Variants in LUZP2 observed in about 807,000 individuals in gnomAD.
LUZP2 encodes the protein leucine zipper protein 2.
LUZP2 carries 52 observed loss-of-function variants against 51.6 expected under a neutral mutation model. The ratio of observed to expected loss-of-function variants is 1.01; its 90% CI spans 0.81 to 1.27. LUZP2 has a LOEUF of 1.27. Among genes scored for constraint, LUZP2 ranks in the 50% most tolerant of loss-of-function variants. The probability of loss-of-function intolerance (pLI) is 0.00; values close to 1 mark genes in which losing one functional copy is unlikely to be tolerated. For missense variants in LUZP2, 436 were observed against 395.4 expected (o/e 1.10, Z -0.87); for synonymous variants, 154 against 137.3 (o/e 1.12, Z -0.85).
At chr11:24,704,114 A>C (rs1055398855) in intron 1 of LUZP2, among the ~76,000 whole-genome samples, 4 of 143,638 alleles carry the variant, frequency 2.8e-5, no homozygotes, top group Admixed American at 7.0e-5. Context: ...ATACACATTC[A>C]TTCTCTCTCT....
chr11:24,745,172 AT>A (rs1859331851), intron 4 of LUZP2, among the ~76,000 whole-genome samples: 1 of 152,142 alleles, frequency 6.6e-6, no homozygotes, highest in South Asian at 2.1e-4. Context: ...GTTGAATAGA[AT>A]GTATATTCTG....
intron 7 of LUZP2, among the ~76,000 whole-genome samples, chr11:24,958,982 G>T (rs1855302143): frequency 6.6e-6 from 1 of 152,176 alleles, no homozygotes; most frequent in East Asian, 1.9e-4. Context: ...TGGCTAGCCA[G>T]TTTTCCCAGC....
chr11:25,077,426 C>G lies in LUZP2; in HGVS notation c.936+20C>G. On this transcript the variant is annotated intron_variant, in intron 11 of 11. Coordinates refer to ENST00000336930, the MANE Select transcript of LUZP2 (RefSeq NM_001009909.4). ...CCACAGGTATGTGTTTGTTTTATTT[C>G]GTTTGTGTCAAAAAGCATTTATTGG... The G allele has an allele frequency of 6.8e-7, 1 of 1,462,634 alleles. No individual in the cohort carries two copies. The highest frequency in any genetic ancestry group is 1.2e-5 in the South Asian group (1 of 82,902). The allele number at this position is 1,462,634 out of a possible 1,614,324, so 90.6% of individuals were successfully genotyped here.
intron 1 of LUZP2, among the ~76,000 whole-genome samples, chr11:24,700,004 C>T (rs1857376186): frequency 1.3e-5 from 2 of 151,192 alleles, no homozygotes; most frequent in South Asian, 4.2e-4. Flanking sequence ...ACTTGTCACT[C>T]CCTCTCCCAA....
intron 1 of LUZP2, among the ~76,000 whole-genome samples, chr11:24,678,737 T>A (rs1176011435): frequency 1.3e-5 from 2 of 152,168 alleles, no homozygotes; most frequent in African/African-American, 4.8e-5. Flanking sequence ...GAGAACAAGG[T>A]TGTCTCAAAG....
intron 1 of LUZP2, among the ~76,000 whole-genome samples, chr11:24,724,957 C>T (rs781542752): frequency 2.6e-5 from 4 of 151,952 alleles, no homozygotes; most frequent in Non-Finnish European, 5.9e-5. Context: ...AAAGAATTTC[C>T]GTATTATAAA....
intron 1 of LUZP2, among the ~76,000 whole-genome samples, chr11:24,507,308 C>A (rs1850172444): frequency 6.6e-6 from 1 of 151,990 alleles, no homozygotes. Context: ...ATCTCTTTAC[C>A]ATTTACTCAA....
At chr11:25,034,942 A>G (rs796199233) in intron 9 of LUZP2, among the ~76,000 whole-genome samples, 27 of 152,240 alleles carry the variant, frequency 1.8e-4, no homozygotes, top group African/African-American at 4.8e-4. Context: ...AAACCATATG[A>G]TCATCTCAAT....
At chr11:25,006,001 G>A (rs1451522807) in intron 9 of LUZP2, among the ~76,000 whole-genome samples, 1 of 152,110 alleles carries the variant, frequency 6.6e-6, no homozygotes, top group East Asian at 1.9e-4. Context: ...GAAGATTGAT[G>A]CCTTATGTCC....
At chr11:24,518,518 T>C (rs1045820531) in intron 1 of LUZP2, among the ~76,000 whole-genome samples, 8 of 152,240 alleles carry the variant, frequency 5.3e-5, no homozygotes, top group African/African-American at 1.9e-4. Context: ...GAAGAGAAAC[T>C]GTTAAAAATT....
chr11:25,078,696 T>A lies in LUZP2; in HGVS notation c.*38T>A. On this transcript the variant is annotated 3_prime_UTR_variant, in exon 12 of 12. Coordinates refer to ENST00000336930, the MANE Select transcript of LUZP2 (RefSeq NM_001009909.4). ...TGTGTTAAAAACGTCCATTTGCTAT[T>A]GTCTTCATATTCTTTTTAGACCACA... 1 of 1,439,634 alleles carries A rather than the reference T, an allele frequency of 6.9e-7. No homozygotes were observed. Among genetic ancestry groups the A allele is most frequent in the Non-Finnish European group, 9.6e-7 (1 of 1,038,346 alleles). The allele number at this position is 1,439,634 out of a possible 1,614,324, so 89.2% of individuals were successfully genotyped here. A position where few individuals can be genotyped will look rare whatever the true frequency, so the allele number is the denominator to read the frequency against.
intron 9 of LUZP2, among the ~76,000 whole-genome samples, chr11:25,013,391 T>A (rs2133961288): frequency 6.6e-6 from 1 of 152,306 alleles, no homozygotes; most frequent in East Asian, 1.9e-4. Context: ...CACTATATAT[T>A]ATTTAAATTT....
rs1057178899 is a variant in LUZP2 at position 25,005,694 on chromosome 11, C to T, written c.765+22401C>T. Among the ~76,000 whole-genome samples, 11 of 152,200 alleles carry T rather than the reference C, an allele frequency of 7.2e-5. No homozygotes were observed. The East Asian group carries it at 7.8e-4, about 11-fold the overall frequency. ...TGATTGGAATAGTTGTGCTCACCGA[C>T]GCAGCAGCAGAAACACTAGTTTTCC... On this transcript the variant is annotated intron_variant, in intron 9 of 11. Transcript: ENST00000336930.
At chr11:24,760,364 A>T (rs918038320) in intron 4 of LUZP2, among the ~76,000 whole-genome samples, 4 of 152,128 alleles carry the variant, frequency 2.6e-5, no homozygotes, top group African/African-American at 7.2e-5. Context: ...GGAGGAGTCC[A>T]TTCAGTTGAT....
At chr11:24,988,143 CT>C (rs1856239085) in intron 9 of LUZP2, among the ~76,000 whole-genome samples, 1 of 151,960 alleles carries the variant, frequency 6.6e-6, no homozygotes, top group South Asian at 2.1e-4. Flanking sequence ...TTAAACAGTT[CT>C]GTTTTTCCAC....
chr11:24,889,143 C>G (rs947057998), intron 5 of LUZP2, among the ~76,000 whole-genome samples: 3 of 152,266 alleles, frequency 2.0e-5, no homozygotes, highest in Non-Finnish European at 4.4e-5. Flanking sequence ...CTCACTCACC[C>G]TGGTAAAATA....
At chr11:24,879,078 G>A (rs1852369322) in intron 5 of LUZP2, among the ~76,000 whole-genome samples, 1 of 151,846 alleles carries the variant, frequency 6.6e-6, no homozygotes, top group African/African-American at 2.4e-5. Flanking sequence ...ACCATTAGCT[G>A]GGACTACAGG....
chr11:24,676,128 T>C (rs1385716074), intron 1 of LUZP2, among the ~76,000 whole-genome samples: 1 of 152,114 alleles, frequency 6.6e-6, no homozygotes, highest in African/African-American at 2.4e-5. Context: ...CTCACATTTC[T>C]TAAAGCACAG....
At chr11:24,682,432 T>C (rs1856764768) in intron 1 of LUZP2, among the ~76,000 whole-genome samples, 1 of 151,056 alleles carries the variant, frequency 6.6e-6, no homozygotes, top group South Asian at 2.1e-4. Flanking sequence ...GAGGCAAAGG[T>C]TGCAGTGAGC....
Sources: gnomAD v4.1 joint callset for allele counts (sites outside exome capture counted in the v4.1 genomes callset) on GRCh38, gnomAD v4.1.1 for gene constraint, MANE v1.5 for transcripts, NCBI Gene and HGNC (gene_info 2026-07-23, HGNC 2026-07-21) for gene names.